CDK5RAP1: variants seen among roughly 807,000 people sequenced by gnomAD.
The protein encoded by CDK5RAP1 is CDK5RAP1 mitochondrial tRNA methylthiotransferase, also known as mitochondrial tRNA methylthiotransferase CDK5RAP1.
CDK5RAP1 carries 62 observed loss-of-function variants against 64.5 expected under a neutral mutation model. The ratio of observed to expected loss-of-function variants is 0.96; its 90% CI spans 0.78 to 1.19. The LOEUF (loss-of-function observed/expected upper bound fraction) is 1.19. Ranked by LOEUF, CDK5RAP1 falls within the 50% of genes most tolerant of loss-of-function variation. The probability of loss-of-function intolerance (pLI) is 0.00; values close to 1 mark genes in which losing one functional copy is unlikely to be tolerated. For synonymous variants in CDK5RAP1, 250 were observed against 261.9 expected (o/e 0.95, Z 0.44); for missense variants, 657 against 735.0 (o/e 0.89, Z 1.23).
intron 2 of CDK5RAP1, among the ~76,000 whole-genome samples, chr20:33,395,889 C>G (rs1988856167): frequency 6.6e-6 from 1 of 152,068 alleles, no homozygotes; most frequent in Admixed American, 6.5e-5. Flanking sequence ...TGGCGTGCAC[C>G]TGTAATCCCA....
rs1600814306 is a variant in CDK5RAP1, at chr20:33,396,665, A to G, written c.304+96T>C. The G allele has an allele frequency of 1.6e-5, 15 of 929,150 alleles. 1 individual carries two copies. The highest frequency in any genetic ancestry group is 2.5e-5 in the Non-Finnish European group (15 of 595,744). The allele number at this position is 929,150 out of a possible 1,614,324, so 57.6% of individuals were successfully genotyped here. On this transcript the variant is annotated intron_variant, in intron 2 of 13. Coordinates refer to ENST00000346416, the MANE Select transcript of CDK5RAP1 (RefSeq NM_016408.4). ...TTCCCACAGCCTTCCCACACTGTTA[A>G]CCTTCCAAGCCAGTTCTGTAATAAA...
In CDK5RAP1 at chr20:33,372,675, C is replaced by T. The variant is rs1284860501; in HGVS notation, c.1228G>A (p.Glu410Lys). 6.3e-7 allele frequency: 1 copy of T among 1,581,560 alleles called. No homozygotes were observed. Among genetic ancestry groups the T allele is most frequent in the Non-Finnish European group, 8.6e-7 (1 of 1,166,490 alleles). Residue 410 changes from glutamate (E) to lysine (K), a missense_variant, in exon 10 of 14, where the codon GAG (glutamate) becomes AAG (lysine). Transcript: ENST00000346416. ...GATTCTCTAATATGGTGAACTAACTCCACATAAGCTTCTCTTGAATATCTG... is the reference window on the plus strand; with the variant it reads ...GATTCTCTAATATGGTGAACTAACTTCACATAAGCTTCTCTTGAATATCTG... The part of the protein sequence containing the change: ...RRGYSREAYV[E>K]LVHHIRESIP...
chr20:33,371,091 C>T (rs755689681), intron 10 of CDK5RAP1, among the ~76,000 whole-genome samples: 2 of 152,072 alleles, frequency 1.3e-5, no homozygotes, highest in Non-Finnish European at 2.9e-5. Context: ...GTCAGGAGTT[C>T]GAGACCAGCC....
intron 7 of CDK5RAP1, among the ~76,000 whole-genome samples, chr20:33,381,063 G>T (rs1406731378): frequency 1.3e-5 from 2 of 152,098 alleles, no homozygotes; most frequent in Non-Finnish European, 2.9e-5. Context: ...GACTTGTTTT[G>T]TAACTTTGAC....
chr20:33,396,914 C>A lies in CDK5RAP1; in HGVS notation c.151G>T (p.Ala51Ser). The change falls in exon 2 of 14, where the codon GCT becomes TCT. Residue 51 changes from alanine (A) to serine (S), a missense_variant. By Grantham distance (99) the Ala-to-Ser change is moderately conservative. Transcript: ENST00000346416. ...AGCCTGGAGCTGAAATCCTTCCGAG[C>A]TCCATCCTCCTGCCTCTCTGGACTG... ...CPSPERQEDG[A>S]RKDFSSRLAA... The A allele has an allele frequency of 6.2e-7, 1 of 1,614,192 alleles. No individual in the cohort carries two copies. The highest frequency in any genetic ancestry group is 1.1e-5 in the South Asian group (1 of 91,088).
chr20:33,359,207 C>T (rs1227465900), intron 13 of CDK5RAP1, 84 bp from the exon 14 acceptor site: 3 of 1,040,434 alleles, frequency 2.9e-6, no homozygotes, highest in Non-Finnish European at 4.4e-6. Flanking sequence ...AGGAGAAGCC[C>T]CCAAAAGGAA....
chr20:33,382,704 T>G (rs1302037087), intron 7 of CDK5RAP1, among the ~76,000 whole-genome samples: 1 of 149,616 alleles, frequency 6.7e-6, no homozygotes, highest in East Asian at 2.0e-4. Context: ...TAAAATAAAA[T>G]AAAAATATTC....
intron 7 of CDK5RAP1, among the ~76,000 whole-genome samples, chr20:33,380,305 G>A (rs1381939713): frequency 1.3e-5 from 2 of 152,138 alleles, no homozygotes; most frequent in Non-Finnish European, 2.9e-5. Flanking sequence ...ATAGCTCACT[G>A]TAGCCTCAAC....
intron 11 of CDK5RAP1, among the ~76,000 whole-genome samples, chr20:33,369,310 C>T (rs532483881): frequency 1.2e-4 from 18 of 151,146 alleles, no homozygotes; most frequent in African/African-American, 2.2e-4. Flanking sequence ...GGTGAAACCC[C>T]GTCTCTACTA....
Position 33,359,127 on chromosome 20 carries a change from A to G in CDK5RAP1, c.1684-4T>C, listed in dbSNP as rs1982431008. ...TCTGAGAACTGGCTGAGGTGATCTG[A>G]AAGAAAACCAGGCAGAAGAAGGCAA... On this transcript the variant is annotated splice_region_variant and splice_polypyrimidine_tract_variant and intron_variant, in intron 13 of 13. Transcript: ENST00000346416. 6.2e-7 allele frequency: 1 copy of G among 1,612,128 alleles called. No individual in the cohort carries two copies. Among genetic ancestry groups the G allele is most frequent in the Non-Finnish European group, 8.5e-7 (1 of 1,178,478 alleles).
chr20:33,360,304 AACACTCATTTC>A, intron 13 of CDK5RAP1, 36 bp downstream of exon 13: 2 of 1,577,706 alleles, frequency 1.3e-6, no homozygotes, highest in Non-Finnish European at 1.7e-6. Flanking sequence ...TATCCAAACC[AACACTCATTTC>A]ACAGTGCAAG....
At chr20:33,362,575 C>T (rs1171520487) in intron 12 of CDK5RAP1, among the ~76,000 whole-genome samples, 1 of 152,170 alleles carries the variant, frequency 6.6e-6, no homozygotes, top group Non-Finnish European at 1.5e-5. Flanking sequence ...AATAGTAAAT[C>T]AGTGGGTAAA....
chr20:33,370,674 C>T, intron 10 of CDK5RAP1, 45 bp from the exon 11 acceptor site: 1 of 1,610,318 alleles, frequency 6.2e-7, no homozygotes, highest in South Asian at 1.1e-5. Context: ...CTGCTGTTTA[C>T]CTTCAAGGGA....
At chr20:33,365,830 C>T (rs146619204) in intron 12 of CDK5RAP1, among the ~76,000 whole-genome samples, 3 of 152,224 alleles carry the variant, frequency 2.0e-5, no homozygotes, top group East Asian at 1.9e-4. Context: ...TCCTGGCAGA[C>T]GGTAAATGCT....
chr20:33,385,434 T>C (rs1987297528), intron 7 of CDK5RAP1, among the ~76,000 whole-genome samples: 1 of 152,230 alleles, frequency 6.6e-6, no homozygotes, highest in Non-Finnish European at 1.5e-5. Context: ...CACCTGACTG[T>C]AATCTCATGC....
At chr20:33,365,173 GGCT>G (rs1477861687) in intron 12 of CDK5RAP1, among the ~76,000 whole-genome samples, 1 of 152,208 alleles carries the variant, frequency 6.6e-6, no homozygotes, top group African/African-American at 2.4e-5. Context: ...TAGGATCACA[GGCT>G]TGAGCCACCA....
chr20:33,374,040 G>T, intron 9 of CDK5RAP1, 75 bp downstream of exon 9: 2 of 1,003,958 alleles, frequency 2.0e-6, no homozygotes, highest in Non-Finnish European at 3.2e-6. Context: ...CTAGGTTCTT[G>T]GCAACAAGGA....
intron 1 of CDK5RAP1, among the ~76,000 whole-genome samples, chr20:33,400,709 G>T (rs560662967): frequency 6.6e-6 from 1 of 152,248 alleles, no homozygotes; most frequent in Admixed American, 6.5e-5. Flanking sequence ...TAGCTACCCA[G>T]GAGGCTGAGG....
Position 33,387,522 on chromosome 20 carries a change from C to T in CDK5RAP1, c.556G>A (p.Glu186Lys). ...TTGAGAATCTCCTCCTTCAACCTCT[C>T]AGCCATGCAGCCTGGAAGGGAAAAA... The part of the protein sequence containing the change: ...LRIGILGCMA[E>K]RLKEEILNRE... Residue 186 changes from glutamate (E) to lysine (K), a missense_variant, in exon 6 of 14, where the codon GAG becomes AAG. Glu to Lys is a moderately conservative substitution (Grantham distance 56, BLOSUM62 1). Transcript: ENST00000346416. The T allele has an allele frequency of 1.9e-6, 3 of 1,613,940 alleles. No homozygotes were observed. Among genetic ancestry groups the T allele is most frequent in the Admixed American group, 3.3e-5 (2 of 60,010 alleles).
Sources: allele counts gnomAD v4.1 joint callset (sites outside exome capture counted in the v4.1 genomes callset), GRCh38; gene constraint gnomAD v4.1.1; transcripts MANE v1.5; gene names NCBI Gene and HGNC (gene_info 2026-07-23, HGNC 2026-07-21).